The following AMBRA1 variants were observed in gnomAD, a reference collection of about 807,000 sequenced individuals.
AMBRA1 encodes the protein activating molecule in BECN1-regulated autophagy protein 1.
A neutral mutation model predicts 125.4 loss-of-function variants in AMBRA1; 47 were observed. That is an observed-to-expected ratio of 0.37 (90% CI 0.30 to 0.48). AMBRA1 has a LOEUF of 0.48. Ranked by LOEUF, AMBRA1 falls within the 20% of genes least tolerant of loss-of-function variation. AMBRA1 has a pLI of 0.99. For synonymous variants in AMBRA1, 626 were observed against 655.5 expected (o/e 0.95, Z 0.69); for missense variants, 1,331 against 1,693.4 (o/e 0.79, Z 3.76).
At chr11:46,433,755 T>G in intron 13 of AMBRA1, 127 bp from the exon 14 acceptor site, 6 of 959,532 alleles carry the variant, frequency 6.3e-6, no homozygotes, top group Middle Eastern at 2.3e-4. Flanking sequence ...TGTTATCTCA[T>G]AGGACTGTAG....
At chr11:46,482,826 C>T (rs1590922468) in intron 11 of AMBRA1, among the ~76,000 whole-genome samples, 2 of 151,902 alleles carry the variant, frequency 1.3e-5, no homozygotes, top group African/African-American at 4.8e-5. Flanking sequence ...CTGGCCAACA[C>T]AGTGAAACCC....
intron 3 of AMBRA1, chr11:46,547,543 C>A: frequency 1.8e-6 from 1 of 561,574 alleles, no homozygotes; most frequent in African/African-American, 1.9e-5. Flanking sequence ...CTGGAAAAAC[C>A]ATCATACCAC....
intron 6 of AMBRA1, 29 bp from the exon 7 acceptor site, chr11:46,543,427 G>T: frequency 6.2e-7 from 1 of 1,606,172 alleles, no homozygotes; most frequent in Non-Finnish European, 8.5e-7. Flanking sequence ...TGGGGCAGGG[G>T]GTAGAGCAAG....
intron 7 of AMBRA1, among the ~76,000 whole-genome samples, chr11:46,516,955 AC>A (rs1391329996): frequency 6.6e-6 from 1 of 152,054 alleles, no homozygotes; most frequent in Non-Finnish European, 1.5e-5. Flanking sequence ...AAAAAAAAAT[AC>A]AAAAACACAA....
intron 9 of AMBRA1, among the ~76,000 whole-genome samples, chr11:46,497,124 T>A (rs1565220013): frequency 6.6e-6 from 1 of 150,840 alleles, no homozygotes; most frequent in Non-Finnish European, 1.5e-5. Context: ...AATAAATAAA[T>A]AAATAAAATA....
At chr11:46,519,586 G>A (rs962396117) in intron 7 of AMBRA1, among the ~76,000 whole-genome samples, 1 of 152,172 alleles carries the variant, frequency 6.6e-6, no homozygotes, top group Non-Finnish European at 1.5e-5. Flanking sequence ...GCTCCCAGAA[G>A]GTAAGGTGCC....
intron 4 of AMBRA1, 44 bp from the exon 5 acceptor site, chr11:46,545,820 C>A: frequency 6.3e-7 from 1 of 1,593,848 alleles, no homozygotes; most frequent in South Asian, 1.1e-5. Context: ...TACAAGCTAC[C>A]AGCACACTGG....
At chr11:46,592,989 G>C (rs919742349) in intron 1 of AMBRA1, among the ~76,000 whole-genome samples, 1 of 152,100 alleles carries the variant, frequency 6.6e-6, no homozygotes, top group South Asian at 2.1e-4. Flanking sequence ...AAACAAAGTA[G>C]ACAACAAGGT....
chr11:46,399,140 T>G (rs1945593390), intron 17 of AMBRA1, among the ~76,000 whole-genome samples: 2 of 152,112 alleles, frequency 1.3e-5, no homozygotes, highest in Non-Finnish European at 2.9e-5. Flanking sequence ...AATGATGCGA[T>G]CTCAGCTCAC....
At chr11:46,491,086 A>G (rs1200708141) in intron 11 of AMBRA1, 2 of 152,220 alleles carry the variant, frequency 1.3e-5, no homozygotes, top group Non-Finnish European at 2.9e-5. Context: ...TTACATAATA[A>G]GATTTTCCTC....
intron 11 of AMBRA1, 121 bp from the exon 12 acceptor site, chr11:46,443,719 A>C: frequency 1.2e-6 from 1 of 803,436 alleles, no homozygotes; most frequent in Admixed American, 2.4e-5. Context: ...ACTATGGCTG[A>C]AGAAAGCTAA....
At position 46,542,525 on chromosome 11, in the gene AMBRA1, C is replaced by T; in HGVS notation, c.1492G>A (p.Glu498Lys). ...AAGCGTCTCAGGTCACACTGAAGCT[C>T]ATGGCGAATGCTGCCCGAGTTGTTT... ...SQNNSGSIRH[E>K]LQCDLRRFFL... The change falls in exon 7 of 18, where the codon GAG becomes AAG. Residue 498 changes from glutamate to lysine, a missense_variant. Around this residue, in one of 4 missense-constraint regions of AMBRA1, gnomAD observed 689 missense variants for 776.5 expected, o/e 0.89. Coordinates refer to ENST00000683756, the MANE Select transcript of AMBRA1 (RefSeq NM_001387011.1). This position sits in a 1 kb window ranked among gnomAD's most constrained non-coding sequence, Gnocchi z 5.9. 1.2e-6 allele frequency: 2 copies of T among 1,613,354 alleles called. No homozygotes were observed. Among genetic ancestry groups the T allele is most frequent in the Non-Finnish European group, 1.7e-6 (2 of 1,180,040 alleles).
At chr11:46,529,935 C>G (rs117769389) in intron 7 of AMBRA1, among the ~76,000 whole-genome samples, 16 of 152,294 alleles carry the variant, frequency 1.1e-4, no homozygotes, top group Admixed American at 2.6e-4. Flanking sequence ...GGCCCACCCC[C>G]CAACCACTCA....
intron 11 of AMBRA1, among the ~76,000 whole-genome samples, chr11:46,475,190 G>A (rs975256000): frequency 6.6e-6 from 1 of 152,188 alleles, no homozygotes; most frequent in African/African-American, 2.4e-5. Flanking sequence ...AGCCTCCAGC[G>A]CCCAGTGCTA....
chr11:46,592,715 G>A (rs866456345), intron 1 of AMBRA1, among the ~76,000 whole-genome samples: 1 of 151,668 alleles, frequency 6.6e-6, no homozygotes, highest in Non-Finnish European at 1.5e-5. Context: ...CCAAGATCGC[G>A]CCACTGCACT....
chr11:46,506,693 G>A (rs1199996447), intron 9 of AMBRA1, among the ~76,000 whole-genome samples: 1 of 152,060 alleles, frequency 6.6e-6, no homozygotes, highest in African/African-American at 2.4e-5. Flanking sequence ...ATGCTTAACC[G>A]CCCTTCTCTC....
chr11:46,420,785 G>C (rs2136660323), intron 14 of AMBRA1, among the ~76,000 whole-genome samples: 2 of 152,292 alleles, frequency 1.3e-5, no homozygotes, highest in South Asian at 4.1e-4. Flanking sequence ...GCCTGTGGTA[G>C]CTCTACATGG....
chr11:46,583,423 T>C (rs1258081603), intron 1 of AMBRA1, among the ~76,000 whole-genome samples: 7 of 151,522 alleles, frequency 4.6e-5, no homozygotes, highest in Non-Finnish European at 1.0e-4. Flanking sequence ...GGCATTACCA[T>C]TCAGGACATA....
chr11:46,397,606 G>C lies in AMBRA1; in HGVS notation c.3741C>G (p.Thr1247=). 2 of 1,609,178 alleles carry C rather than the reference G, an allele frequency of 1.2e-6. No homozygotes were observed. The highest frequency in any genetic ancestry group is 1.7e-6 in the Non-Finnish European group (2 of 1,177,082). Residue 1247 remains threonine, a synonymous_variant, in exon 18 of 18, where the codon ACC becomes ACG. Coordinates refer to ENST00000683756, the MANE Select transcript of AMBRA1 (RefSeq NM_001387011.1). ...TGGGGACAGGGGAGGAAGAGGGCAGGGTTGGCTGGGTTGGCTCCCGCCCAG... is the reference window on the plus strand; with the variant it reads ...TGGGGACAGGGGAGGAAGAGGGCAGCGTTGGCTGGGTTGGCTCCCGCCCAG... ...GTPGREPTQP[T]LPSSSPVPIP...
Sources: gnomAD v4.1 joint callset for allele counts (sites outside exome capture counted in the v4.1 genomes callset) on GRCh38, gnomAD v4.1.1 for gene constraint, gnomAD v4.1.1 regional missense constraint, Gnocchi (gnomAD v3.1) non-coding constraint, MANE v1.5 for transcripts, NCBI Gene and HGNC (gene_info 2026-07-23, HGNC 2026-07-21) for gene names.